Variants in POMK observed in about 807,000 individuals in gnomAD.
POMK encodes protein O-mannose kinase, also known as Sugen kinase 196.
POMK carries 19 observed loss-of-function variants against 23.0 expected under a neutral mutation model. The observed-to-expected ratio is 0.83, with a 90% confidence interval of 0.58 to 1.21. POMK has a LOEUF of 1.21. POMK is among the 50% of genes most tolerant of loss of function. POMK has a pLI of 0.00. For synonymous variants in POMK, 173 were observed against 171.6 expected, an observed-to-expected ratio of 1.01 and a Z score of -0.06; for missense variants, 410 against 431.3, an observed-to-expected ratio of 0.95 and a Z score of 0.44.
chr8:43,115,233 C>T (rs148414196), intron 4 of POMK, among the ~76,000 whole-genome samples: 16 of 152,316 alleles, frequency 1.1e-4, no homozygotes, highest in African/African-American at 3.8e-4. Flanking sequence ...CTCATCCCTT[C>T]CATCCCTTCT....
intron 4 of POMK, among the ~76,000 whole-genome samples, chr8:43,115,218 G>A (rs1382478681): frequency 6.6e-6 from 1 of 152,128 alleles, no homozygotes; most frequent in South Asian, 2.1e-4. Context: ...TGCCAGCTCT[G>A]CCTCCTCATC....
At chr8:43,103,365 T>C (rs1456468540) in intron 3 of POMK, among the ~76,000 whole-genome samples, 163 bp from the exon 4 acceptor site, 1 of 152,180 alleles carries the variant, frequency 6.6e-6, no homozygotes, top group Non-Finnish European at 1.5e-5. Flanking sequence ...CAGCTAACAT[T>C]GGGCATTTGG....
At chr8:43,102,256 C>G (rs1408168830) in intron 2 of POMK, among the ~76,000 whole-genome samples, 1 of 152,158 alleles carries the variant, frequency 6.6e-6, no homozygotes, top group Non-Finnish European at 1.5e-5. Flanking sequence ...AGAAGCTGCT[C>G]AGGACATGTT....
chr8:43,100,968 T>G (rs893400525), intron 2 of POMK, among the ~76,000 whole-genome samples: 5 of 152,042 alleles, frequency 3.3e-5, no homozygotes, highest in African/African-American at 1.2e-4. Flanking sequence ...CACTGAAGTG[T>G]GTGCCATTGC....
intron 2 of POMK, among the ~76,000 whole-genome samples, chr8:43,100,918 C>T (rs1019083696): frequency 2.6e-5 from 4 of 151,964 alleles, no homozygotes; most frequent in African/African-American, 9.7e-5. Flanking sequence ...TGGTTTAAGG[C>T]GTTCTAGAGG....
rs555296285 is a variant in POMK at position 43,093,861 on chromosome 8, G to A, written c.-210+298G>A. Among the ~76,000 whole-genome samples the A allele has an allele frequency of 3.3e-5, 5 of 152,372 alleles. No homozygotes were observed. The South Asian group carries it at 1.0e-3, about 32-fold the overall frequency. On this transcript the variant is annotated intron_variant, in intron 1 of 4. Transcript: ENST00000331373. ...GCGCTTTGGGAGGCCGAGGCGGGAG[G>A]ATCGCGTGAGCTCAGGCGAGAGCAG...
At chr8:43,112,847 T>G (rs1379059748) in intron 4 of POMK, among the ~76,000 whole-genome samples, 1 of 152,154 alleles carries the variant, frequency 6.6e-6, no homozygotes, top group Non-Finnish European at 1.5e-5. Flanking sequence ...TAAAATACTT[T>G]ACAGACAAGC....
At chr8:43,120,601 C>T (rs529420944) in intron 4 of POMK, among the ~76,000 whole-genome samples, 1 of 151,636 alleles carries the variant, frequency 6.6e-6, no homozygotes, top group Non-Finnish European at 1.5e-5. Flanking sequence ...ATTGAATGAT[C>T]CTCCCACCTC....
intron 1 of POMK, among the ~76,000 whole-genome samples, chr8:43,095,354 T>C (rs755116522): frequency 6.6e-6 from 1 of 152,210 alleles, no homozygotes; most frequent in Non-Finnish European, 1.5e-5. Flanking sequence ...GTATTTTTTT[T>C]ATTTGTTTTG....
At chr8:43,096,782 C>G (rs1301284737) in intron 1 of POMK, among the ~76,000 whole-genome samples, 1 of 152,184 alleles carries the variant, frequency 6.6e-6, no homozygotes, top group African/African-American at 2.4e-5. Flanking sequence ...GTGGAAAAGT[C>G]AAACCAGTTG....
rs1586681568 is a variant in POMK, at chr8:43,123,109, T to A, written c.*232T>A. ...TCTTGCTCTGTTGCTGAGGCTGGAG[T>A]GCAGTGATGTGATCTTGGCTCACTG... On this transcript the variant is annotated 3_prime_UTR_variant, in exon 5 of 5. Coordinates refer to ENST00000331373, the MANE Select transcript of POMK (RefSeq NM_032237.5). The A allele has an allele frequency of 2.2e-6, 1 of 457,310 alleles. No individual in the cohort carries two copies. Among genetic ancestry groups the A allele is most frequent in the Non-Finnish European group, 3.9e-6 (1 of 255,984 alleles). 28.3% of individuals were successfully genotyped at this position (457,310 alleles called of 1,614,324 possible).
intron 2 of POMK, among the ~76,000 whole-genome samples, chr8:43,101,433 A>AAAG (rs1554522513): frequency 5.9e-5 from 9 of 151,590 alleles, no homozygotes; most frequent in Admixed American, 2.0e-4. Context: ...AAAAAAAAAA[A>AAAG]AAAAGGAAGA....
chr8:43,103,627 A>G lies in POMK; in HGVS notation c.79A>G (p.Met27Val). The G allele has an allele frequency of 6.2e-7, 1 of 1,613,792 alleles. No individual in the cohort carries two copies. Among genetic ancestry groups the G allele is most frequent in the Non-Finnish European group, 8.5e-7 (1 of 1,179,958 alleles). ...VPPAVGLLLI[M>V]ALMNTLLYLC... Reference sequence around the variant, plus strand: ...GCCAGCTGTTGGGCTGCTGCTGATCATGGCCCTGATGAATACTCTGCTCTA... The same window carrying G: ...GCCAGCTGTTGGGCTGCTGCTGATCGTGGCCCTGATGAATACTCTGCTCTA... Residue 27 changes from methionine to valine, a missense_variant, in exon 4 of 5, where the codon ATG becomes GTG. Transcript: ENST00000331373.
Position 43,122,516 on chromosome 8 carries a change from T to A in POMK, c.692T>A (p.Leu231Ter). The change falls in exon 5 of 5, where the codon TTA becomes TAA. Residue 231 changes from leucine to a stop codon, truncating the protein, a stop_gained. Coordinates refer to ENST00000331373, the MANE Select transcript of POMK (RefSeq NM_032237.5). LOFTEE classifies it high-confidence loss of function. ...ATTTTGGCAAATGACTTGGACGCCT[T>A]ACCCCTGGTGAACCACAGCTCCGGG... ...FSILANDLDA[L>*]PLVNHSSGML... 6.2e-7 allele frequency: 1 copy of A among 1,614,160 alleles called. No individual in the cohort carries two copies. Among genetic ancestry groups the A allele is most frequent in the Non-Finnish European group, 8.5e-7 (1 of 1,180,014 alleles).
At chr8:43,103,226 A>G (rs1294905240) in intron 3 of POMK, among the ~76,000 whole-genome samples, 1 of 152,166 alleles carries the variant, frequency 6.6e-6, no homozygotes, top group African/African-American at 2.4e-5. Context: ...ATTTTACTGA[A>G]TATTCATGAG....
At chr8:43,107,980 G>T (rs1015548531) in intron 4 of POMK, among the ~76,000 whole-genome samples, 5 of 152,220 alleles carry the variant, frequency 3.3e-5, no homozygotes, top group Non-Finnish European at 7.3e-5. Context: ...TCTGCGCCTG[G>T]CTAGAATAAT....
intron 4 of POMK, among the ~76,000 whole-genome samples, chr8:43,118,123 T>C (rs1811834297): frequency 6.6e-6 from 1 of 152,192 alleles, no homozygotes; most frequent in South Asian, 2.1e-4. Context: ...ATTTTTATTA[T>C]ATTATACTTT....
chr8:43,107,702 A>G (rs1220701209), intron 4 of POMK, among the ~76,000 whole-genome samples: 1 of 147,720 alleles, frequency 6.8e-6, no homozygotes, highest in East Asian at 2.0e-4. Context: ...TTTGGTAGAG[A>G]TGGAGTCTTG....
At chr8:43,098,682 G>C (rs1276620300) in intron 2 of POMK, among the ~76,000 whole-genome samples, 1 of 152,180 alleles carries the variant, frequency 6.6e-6, no homozygotes, top group Admixed American at 6.5e-5. Context: ...TTGAGGAGCG[G>C]CCAGACTGCT....
Sources: allele counts gnomAD v4.1 joint callset (sites outside exome capture counted in the v4.1 genomes callset), GRCh38; gene constraint gnomAD v4.1.1; transcripts MANE v1.5; gene names NCBI Gene and HGNC (gene_info 2026-07-23, HGNC 2026-07-21).